The following UBXN8 variants were observed in gnomAD, a reference collection of about 807,000 sequenced individuals.
UBXN8 encodes UBX domain-containing protein 8.
A neutral mutation model predicts 32.1 loss-of-function variants in UBXN8; 27 were observed. The observed-to-expected ratio is 0.84, with a 90% confidence interval of 0.62 to 1.16. The LOEUF is 1.16. Among genes scored for constraint, UBXN8 ranks in the 50% most tolerant of loss-of-function variants. The pLI, the probability that UBXN8 is intolerant of heterozygous loss-of-function variation, is 0.00. For synonymous variants in UBXN8, 109 were observed against 111.8 expected (o/e 0.98, Z 0.16); for missense variants, 306 against 311.4 (o/e 0.98, Z 0.13).
upstream of UBXN8, chr8:30,732,249 C>A (rs531458277): frequency 9.9e-4 from 392 of 394,626 alleles, 2 homozygotes; most frequent in South Asian, 0.012. Flanking sequence ...ACGTTGATGA[C>A]CTTTTGCTGG....
chr8:30,758,886 T>TTTG (rs1805739316), intron 5 of UBXN8, among the ~76,000 whole-genome samples: 1 of 122,898 alleles, frequency 8.1e-6, no homozygotes, highest in African/African-American at 3.3e-5. Context: ...TTTTTGTTTG[T>TTTG]TTTTTTTGTT....
At chr8:30,760,782 G>T in intron 5 of UBXN8, 106 bp from the exon 6 acceptor site, 1 of 677,448 alleles carries the variant, frequency 1.5e-6, no homozygotes. Context: ...AAAGATATAA[G>T]TAAGCTTAGA....
Position 30,751,587 on chromosome 8 carries a change from C to G in UBXN8, c.211+69C>G, listed in dbSNP as rs542917592. 2,722 of 1,274,672 alleles carry G rather than the reference C, an allele frequency of 2.1e-3. 5 individuals are homozygous for G. The highest frequency in any genetic ancestry group is 2.6e-3 in the Non-Finnish European group (2,479 of 945,280). 79.0% of individuals were successfully genotyped at this position (1,274,672 alleles called of 1,614,324 possible). On this transcript the variant is annotated intron_variant, in intron 2 of 7. Coordinates refer to ENST00000265616, the MANE Select transcript of UBXN8 (RefSeq NM_005671.4). Reference sequence around the variant, plus strand: ...AATTTATTTATTCTAGAACTTTGCACAGTAAGAGCCATTTTACTATTAATT... The same window carrying G: ...AATTTATTTATTCTAGAACTTTGCAGAGTAAGAGCCATTTTACTATTAATT...
At chr8:30,732,590 G>C (rs1804989272), upstream of UBXN8, 1 of 257,684 alleles carries the variant, frequency 3.9e-6, no homozygotes, top group South Asian at 1.8e-4. Flanking sequence ...TTTTGAATGG[G>C]GATCCCAGCA....
At chr8:30,756,028 C>G (rs1359548101) in intron 4 of UBXN8, 1 of 140,476 alleles carries the variant, frequency 7.1e-6, no homozygotes, top group Non-Finnish European at 1.6e-5. Flanking sequence ...TTTAAATTTT[C>G]TTTTTTTTTT....
At chr8:30,735,227 T>TA (rs1201705821) in intron 1 of UBXN8, among the ~76,000 whole-genome samples, 1 of 152,094 alleles carries the variant, frequency 6.6e-6, no homozygotes, top group East Asian at 1.9e-4. Flanking sequence ...TCTGTAACGA[T>TA]AAAAAAATTT....
upstream of UBXN8, among the ~76,000 whole-genome samples, chr8:30,743,673 T>G (rs1805268812): frequency 6.6e-6 from 1 of 152,176 alleles, no homozygotes; most frequent in Non-Finnish European, 1.5e-5. Context: ...GGGCAGGTAT[T>G]TGGAGCCAGG....
At chr8:30,758,900 T>TTTTTTTTTTG (rs1805746758) in intron 5 of UBXN8, among the ~76,000 whole-genome samples, 5 of 121,992 alleles carry the variant, frequency 4.1e-5, no homozygotes, top group South Asian at 2.6e-4. Flanking sequence ...TTTTGTTTTT[T>TTTTTTTTTTG]TTTTTTTTTT....
intron 1 of UBXN8, among the ~76,000 whole-genome samples, chr8:30,751,145 A>C (rs1218984372): frequency 1.3e-5 from 2 of 152,324 alleles, no homozygotes; most frequent in East Asian, 3.9e-4. Context: ...ATCATAAGAC[A>C]GTTGTATAAC....
At chr8:30,746,416 C>G (rs1371024852) in intron 1 of UBXN8, among the ~76,000 whole-genome samples, 1 of 151,718 alleles carries the variant, frequency 6.6e-6, no homozygotes, top group Non-Finnish European at 1.5e-5. Flanking sequence ...CTGGTTATGC[C>G]TATACTGATA....
intron 3 of UBXN8, among the ~76,000 whole-genome samples, chr8:30,753,868 G>C (rs1361460485): frequency 2.6e-5 from 4 of 150,972 alleles, no homozygotes; most frequent in African/African-American, 9.8e-5. Context: ...AAATTCCTGG[G>C]TTCATGGGAT....
At position 30,744,193 on chromosome 8, in the gene UBXN8, G is replaced by A. The variant is rs773112154; in HGVS notation, c.4G>A (p.Ala2Thr). 44 of 1,612,928 alleles carry A rather than the reference G, an allele frequency of 2.7e-5. 1 individual carries two copies. In the South Asian group the frequency reaches 4.7e-4, roughly 17 times the overall value. M[A>T]SRGVVGIFFL... ...TGCACCAGGCGCTTCCGCCACCATG[G>A]CTTCACGTGGGGTTGTTGGCATTTT... Residue 2 changes from alanine (A) to threonine (T), a missense_variant, in exon 1 of 8, where the codon GCT (alanine) becomes ACT (threonine). By Grantham distance (58) the Ala-to-Thr change is moderately conservative. Coordinates refer to ENST00000265616, the MANE Select transcript of UBXN8 (RefSeq NM_005671.4).
In UBXN8 at chr8:30,760,872, C is replaced by T. The variant is rs1805814178; in HGVS notation, c.529-16C>T. The T allele has an allele frequency of 2.0e-6, 3 of 1,515,100 alleles. No homozygotes were observed. Among genetic ancestry groups the T allele is most frequent in the African/African-American group, 2.8e-5 (2 of 72,176 alleles). The allele number at this position is 1,515,100 out of a possible 1,614,324, so 93.9% of individuals were successfully genotyped here. A position where few individuals can be genotyped will look rare whatever the true frequency, so the allele number is the denominator to read the frequency against. On this transcript the variant is annotated splice_polypyrimidine_tract_variant and intron_variant, in intron 5 of 7. Coordinates refer to ENST00000265616, the MANE Select transcript of UBXN8 (RefSeq NM_005671.4). ...TTGAACATGTTTACATTCCTCTTACCAATACTTTTCTTTAGATTCCTGATT... is the reference window on the plus strand; with the variant it reads ...TTGAACATGTTTACATTCCTCTTACTAATACTTTTCTTTAGATTCCTGATT...
intron 6 of UBXN8, among the ~76,000 whole-genome samples, chr8:30,762,400 G>GT (rs1161096089): frequency 6.6e-6 from 1 of 151,442 alleles, no homozygotes; most frequent in Non-Finnish European, 1.5e-5. Flanking sequence ...TTTTGTTTTT[G>GT]TTTTTGTTTT....
intron 3 of UBXN8, 152 bp from the exon 4 acceptor site, chr8:30,754,513 C>A (rs1805594724): frequency 6.9e-6 from 7 of 1,018,982 alleles, no homozygotes; most frequent in Non-Finnish European, 8.6e-6. Context: ...TCGGCACGAG[C>A]CTCCCCACAA....
rs1805678401 is a variant in UBXN8 at position 30,756,894 on chromosome 8, T to C, written c.528+7T>C. On this transcript the variant is annotated splice_region_variant and intron_variant, in intron 5 of 7. Coordinates refer to ENST00000265616, the MANE Select transcript of UBXN8 (RefSeq NM_005671.4). ...ACAGCCCACATGCAAGGAGGTAAAG[T>C]ACTTCATGCCTCTCATTGAATTGTG... 1.2e-6 allele frequency: 2 copies of C among 1,613,792 alleles called. No homozygotes were observed. The highest frequency in any genetic ancestry group is 1.3e-5 in the African/African-American group (1 of 75,050).
upstream of UBXN8, among the ~76,000 whole-genome samples, chr8:30,740,951 C>A (rs1805185299): frequency 1.3e-5 from 2 of 152,186 alleles, no homozygotes; most frequent in South Asian, 4.1e-4. Flanking sequence ...TTGAGCTGAT[C>A]ATTGAATTGG....
At chr8:30,764,124 G>A (rs1380942471) in intron 7 of UBXN8, among the ~76,000 whole-genome samples, 2 of 152,166 alleles carry the variant, frequency 1.3e-5, no homozygotes, top group Admixed American at 6.6e-5. Flanking sequence ...GTATATTTCC[G>A]TCTCTAAGTA....
At chr8:30,746,288 T>C (rs1467423529) in intron 1 of UBXN8, among the ~76,000 whole-genome samples, 1 of 152,076 alleles carries the variant, frequency 6.6e-6, no homozygotes, top group Non-Finnish European at 1.5e-5. Context: ...TTTTTTAATA[T>C]ATATTTTTTC....
Sources: allele counts gnomAD v4.1 joint callset (sites outside exome capture counted in the v4.1 genomes callset), GRCh38; gene constraint gnomAD v4.1.1; transcripts MANE v1.5; gene names NCBI Gene and HGNC (gene_info 2026-07-23, HGNC 2026-07-21).